The following SRL variants were observed in gnomAD, a reference collection of about 807,000 sequenced individuals.
The protein encoded by SRL is sarcalumenin.
In SRL, 23 loss-of-function variants were observed where a neutral mutation model predicts 39.5. The ratio of observed to expected loss-of-function variants is 0.58; its 90% CI spans 0.42 to 0.82. The LOEUF (loss-of-function observed/expected upper bound fraction) is 0.82. SRL is among the 40% of genes least tolerant of loss of function. The pLI is 0.00. For synonymous variants in SRL, 272 were observed against 237.4 expected, an observed-to-expected ratio of 1.15 and a Z score of -1.34; for missense variants, 592 against 607.8, an observed-to-expected ratio of 0.97 and a Z score of 0.27.
chr16:4,221,028 G>T (rs969368878), intron 1 of SRL, among the ~76,000 whole-genome samples: 1 of 151,322 alleles, frequency 6.6e-6, no homozygotes, highest in African/African-American at 2.4e-5. Context: ...GGCCCTCATC[G>T]CCTGGGACCA....
intron 1 of SRL, among the ~76,000 whole-genome samples, chr16:4,236,436 T>C (rs1407270337): frequency 2.0e-5 from 3 of 152,206 alleles, no homozygotes; most frequent in Non-Finnish European, 1.5e-5. Context: ...TCCTCAAACT[T>C]AGCGTTGATC....
intron 1 of SRL, among the ~76,000 whole-genome samples, chr16:4,213,404 CTTTTT>C (rs1176583909): frequency 1.4e-5 from 1 of 69,584 alleles, no homozygotes; most frequent in African/African-American, 8.2e-5. Context: ...TTTTCTTTTT[CTTTTT>C]TTTTTTTTTT....
intron 1 of SRL, chr16:4,207,130 C>G (rs9932378): frequency 0.19 from 87,483 of 456,580 alleles, 8,721 homozygotes; most frequent in African/African-American, 0.22. Context: ...TCGGAGGCGC[C>G]CTCTGCTTCT....
At chr16:4,215,067 C>G (rs1567182988) in intron 1 of SRL, among the ~76,000 whole-genome samples, 1 of 152,240 alleles carries the variant, frequency 6.6e-6, no homozygotes, top group Admixed American at 6.5e-5. Flanking sequence ...TGCACCCGGC[C>G]TCTTCCACTT....
intron 4 of SRL, among the ~76,000 whole-genome samples, chr16:4,196,447 C>T (rs1180807712): frequency 2.7e-5 from 4 of 149,532 alleles, no homozygotes; most frequent in Admixed American, 6.7e-5. Context: ...AGCACTCTGG[C>T]GTCTCTCTCT....
intron 4 of SRL, among the ~76,000 whole-genome samples, chr16:4,196,045 C>T (rs1029787247): frequency 1.4e-4 from 22 of 152,270 alleles, no homozygotes; most frequent in Middle Eastern, 3.4e-3. Context: ...ACTGCAGCCT[C>T]CATCTCCCAG....
At chr16:4,215,442 G>C (rs2052447177) in intron 1 of SRL, among the ~76,000 whole-genome samples, 1 of 152,216 alleles carries the variant, frequency 6.6e-6, no homozygotes, top group Non-Finnish European at 1.5e-5. Context: ...AAGAACCTTG[G>C]GATTTGGGGG....
chr16:4,199,692 C>CTT lies in SRL; in HGVS notation c.260-1778_260-1777insAA, dbSNP rs201684866. Among the ~76,000 whole-genome samples the CTT allele has an allele frequency of 3.3e-4, 37 of 111,514 alleles. 2 individuals are homozygous for CTT. Among genetic ancestry groups the CTT allele is most frequent in the African/African-American group, 1.2e-3 (35 of 29,626 alleles). The allele number at this position is 111,514 out of a possible 152,430, so 73.2% of individuals were successfully genotyped here. On this transcript the variant is annotated intron_variant, in intron 3 of 5. Transcript: ENST00000399609. ...GCCCCTCCCCATCTTCTTTTCTTTT[C>CTT]CTTTTTTTTTTTTTTTTTTTTTGAG...
intron 3 of SRL, among the ~76,000 whole-genome samples, chr16:4,199,343 T>G (rs1375495624): frequency 1.3e-5 from 2 of 151,176 alleles, no homozygotes; most frequent in Non-Finnish European, 2.9e-5. Flanking sequence ...AAGCAATATT[T>G]GTAGCTAACA....
intron 1 of SRL, among the ~76,000 whole-genome samples, chr16:4,227,056 A>ATGGATGAG (rs1555456739): frequency 6.7e-6 from 1 of 149,164 alleles, no homozygotes; most frequent in Admixed American, 6.6e-5. Context: ...GGATGAATGG[A>ATGGATGAG]TGGATGGATG....
intron 1 of SRL, among the ~76,000 whole-genome samples, chr16:4,217,840 C>T (rs932754194): frequency 2.6e-5 from 4 of 152,268 alleles, no homozygotes; most frequent in Non-Finnish European, 2.9e-5. Context: ...GGACAGGAGC[C>T]GAGCCAGCTG....
At position 4,192,021 on chromosome 16, in the gene SRL, C is replaced by G; in HGVS notation, c.*132G>C. 1 of 1,041,924 alleles carries G rather than the reference C, an allele frequency of 9.6e-7. No homozygotes were observed. The highest frequency in any genetic ancestry group is 1.4e-6 in the Non-Finnish European group (1 of 710,940). 64.5% of individuals were successfully genotyped at this position (1,041,924 alleles called of 1,614,324 possible). A position where few individuals can be genotyped will look rare whatever the true frequency, so the allele number is the denominator to read the frequency against. On this transcript the variant is annotated 3_prime_UTR_variant, in exon 6 of 6. Transcript: ENST00000399609. The surrounding 1 kb of genome is among the most constrained non-coding windows in gnomAD (Gnocchi z 4.0). ...ACACACCTGCCCCGACCCCTGGCCT[C>G]AATGAACTCCCAACTCTCCACTGTG...
rs1437827092 is a variant in SRL at position 4,195,805 on chromosome 16, A to T, written c.377-19T>A. The T allele has an allele frequency of 6.3e-7, 1 of 1,595,840 alleles. No individual in the cohort carries two copies. Among genetic ancestry groups the T allele is most frequent in the African/African-American group, 1.3e-5 (1 of 74,712 alleles). On this transcript the variant is annotated intron_variant, in intron 4 of 5. Transcript: ENST00000399609. Reference sequence around the variant, plus strand: ...TCAGCGCCTGGGCACACGGGGTGAGAGGTGAAGGAATACATGATCTCTGTG... The same window carrying T: ...TCAGCGCCTGGGCACACGGGGTGAGTGGTGAAGGAATACATGATCTCTGTG...
At chr16:4,218,942 G>T (rs2052491079) in intron 1 of SRL, among the ~76,000 whole-genome samples, 1 of 152,262 alleles carries the variant, frequency 6.6e-6, no homozygotes, top group Non-Finnish European at 1.5e-5. Context: ...ACACCAAAAG[G>T]CCAGATTTTT....
chr16:4,219,514 C>A (rs900602226), intron 1 of SRL, among the ~76,000 whole-genome samples: 21 of 152,296 alleles, frequency 1.4e-4, no homozygotes, highest in African/African-American at 5.1e-4. Context: ...AGTGCAGTAG[C>A]GCGATATCGG....
At chr16:4,200,086 C>G (rs1165430401) in intron 3 of SRL, among the ~76,000 whole-genome samples, 4 of 152,218 alleles carry the variant, frequency 2.6e-5, no homozygotes, top group African/African-American at 7.2e-5. Context: ...GGCTAAAGCT[C>G]AGTCCTAACC....
rs2052040383 is a variant in SRL at position 4,189,909 on chromosome 16, G to A, written c.*2244C>T. 1 of 185,290 alleles carries A rather than the reference G, an allele frequency of 5.4e-6. No individual in the cohort carries two copies. The highest frequency in any genetic ancestry group is 1.3e-4 in the East Asian group (1 of 7,498). 11.5% of individuals were successfully genotyped at this position (185,290 alleles called of 1,614,324 possible). ...ATGGAGGAGCAGGCAGGGGAAAGTG[G>A]GAGGGCCCATCCCCCAAGAGGGCAG... On this transcript the variant is annotated 3_prime_UTR_variant, in exon 6 of 6. Coordinates refer to ENST00000399609, the MANE Select transcript of SRL (RefSeq NM_001098814.2).
chr16:4,235,248 C>T (rs539811723), intron 1 of SRL, among the ~76,000 whole-genome samples: 1 of 152,318 alleles, frequency 6.6e-6, no homozygotes, highest in Admixed American at 6.5e-5. Context: ...CGGGAGAGAA[C>T]AGAAGCCAGC....
rs2052072519 is a variant in SRL, at chr16:4,192,087, A to G, written c.*66T>C. ...GTGTGGCTCAAAGGGTTAATAAACC[A>G]GGACCTCTCAGACAGTTAGGACACA... On this transcript the variant is annotated 3_prime_UTR_variant, in exon 6 of 6. Coordinates refer to ENST00000399609, the MANE Select transcript of SRL (RefSeq NM_001098814.2). This position sits in a 1 kb window ranked among gnomAD's most constrained non-coding sequence, Gnocchi z 4.0. The G allele has an allele frequency of 9.5e-6, 14 of 1,475,582 alleles. No homozygotes were observed. Among genetic ancestry groups the G allele is most frequent in the Non-Finnish European group, 1.3e-5 (14 of 1,096,964 alleles). The allele number at this position is 1,475,582 out of a possible 1,614,324, so 91.4% of individuals were successfully genotyped here. A position where few individuals can be genotyped will look rare whatever the true frequency, so the allele number is the denominator to read the frequency against.
Sources: gnomAD v4.1 joint callset for allele counts (sites outside exome capture counted in the v4.1 genomes callset) on GRCh38, gnomAD v4.1.1 for gene constraint, Gnocchi (gnomAD v3.1) non-coding constraint, MANE v1.5 for transcripts, NCBI Gene and HGNC (gene_info 2026-07-23, HGNC 2026-07-21) for gene names.